Variants in EFCAB5 observed in about 807,000 individuals in gnomAD.
The protein encoded by EFCAB5 is EF-hand calcium binding domain 5.
EFCAB5 carries 131 observed loss-of-function variants against 167.9 expected under a neutral mutation model. That is an observed-to-expected ratio of 0.78 (90% CI 0.68 to 0.90). The LOEUF is 0.90. EFCAB5 is among the 40% of genes least tolerant of loss of function. The pLI, the probability that EFCAB5 is intolerant of heterozygous loss-of-function variation, is 0.00. For synonymous variants in EFCAB5, 574 were observed against 602.8 expected (o/e 0.95, Z 0.70); for missense variants, 1,663 against 1,745.2 (o/e 0.95, Z 0.84).
At position 30,107,979 on chromosome 17, in the gene EFCAB5, T is replaced by G. The variant is rs373782893; in HGVS notation, c.4467T>G (p.Asn1489Lys). Reference protein sequence around the residue: ...ITPPLPSKTDNYMYAKMPGEG... With the variant: ...ITPPLPSKTDKYMYAKMPGEG... ...CTCCGTTGCCCTCCAAGACTGACAA[T>G]TATATGTATGCAAAAATGCCAGGGG... is the stretch of plus-strand genomic sequence containing the variant. The change falls in exon 23 of 23, where the codon AAT (asparagine) becomes AAG (lysine). Residue 1489 changes from asparagine to lysine, a missense_variant. Coordinates refer to ENST00000394835, the MANE Select transcript of EFCAB5 (RefSeq NM_198529.4). 1.9e-6 allele frequency: 3 copies of G among 1,607,668 alleles called. No individual in the cohort carries two copies. In the African/African-American group the frequency reaches 4.0e-5, roughly 22 times the overall value.
chr17:29,934,522 A>G (rs2067229352), intron 1 of EFCAB5, among the ~76,000 whole-genome samples: 1 of 152,222 alleles, frequency 6.6e-6, no homozygotes, highest in Non-Finnish European at 1.5e-5. Context: ...AATGCTATAT[A>G]TATAAAAAGA....
At chr17:30,101,658 C>T (rs2071384562) in intron 22 of EFCAB5, among the ~76,000 whole-genome samples, 1 of 152,118 alleles carries the variant, frequency 6.6e-6, no homozygotes, top group Non-Finnish European at 1.5e-5. Flanking sequence ...AGGAAAGTCT[C>T]CTAGGTGGGA....
At chr17:30,016,131 T>C (rs1274493191) in intron 7 of EFCAB5, among the ~76,000 whole-genome samples, 1 of 152,218 alleles carries the variant, frequency 6.6e-6, no homozygotes, top group Non-Finnish European at 1.5e-5. Context: ...CTTTATCAAA[T>C]ATGTGATTTG....
intron 14 of EFCAB5, chr17:30,059,974 A>G (rs1208257629): frequency 5.0e-6 from 1 of 198,036 alleles, no homozygotes; most frequent in Non-Finnish European, 1.0e-5. Flanking sequence ...AGTACCTGCC[A>G]CTGTGCCCAA....
rs1413952666 is a variant in EFCAB5 at position 30,083,118 on chromosome 17, A to G, written c.3579+75A>G. 11 of 1,486,344 alleles carry G rather than the reference A, an allele frequency of 7.4e-6. No individual in the cohort carries two copies. The Admixed American group carries it at 2.4e-4, about 32-fold the overall frequency. 92.1% of individuals were successfully genotyped at this position (1,486,344 alleles called of 1,614,324 possible). On this transcript the variant is annotated intron_variant, in intron 18 of 22. Transcript: ENST00000394835. Reference sequence around the variant, plus strand: ...AGATGTTATTTCTTGCTAATATTTGAAAACCATATTAATTAGCTATTAGTC... The same window carrying G: ...AGATGTTATTTCTTGCTAATATTTGGAAACCATATTAATTAGCTATTAGTC...
Position 30,080,252 on chromosome 17 carries a change from CT to C in EFCAB5, c.3197+13del. The C allele has an allele frequency of 6.5e-7, 1 of 1,548,766 alleles. No individual in the cohort carries two copies. Among genetic ancestry groups the C allele is most frequent in the Non-Finnish European group, 8.7e-7 (1 of 1,154,388 alleles). ...CATGAAAGGAATCAGGTAAGAACTT[CT>C]TGAAGAGATTGGTTTCACCCTCCTA... On this transcript the variant is annotated intron_variant, in intron 16 of 22. Coordinates refer to ENST00000394835, the MANE Select transcript of EFCAB5 (RefSeq NM_198529.4).
intron 7 of EFCAB5, among the ~76,000 whole-genome samples, chr17:30,028,673 T>C (rs2069396677): frequency 6.6e-6 from 1 of 152,210 alleles, no homozygotes; most frequent in Non-Finnish European, 1.5e-5. Context: ...AGTGCTGCCA[T>C]ACCAAAGTAC....
At chr17:30,079,487 A>T (rs531545596) in intron 15 of EFCAB5, among the ~76,000 whole-genome samples, 69 of 152,370 alleles carry the variant, frequency 4.5e-4, no homozygotes, top group African/African-American at 1.7e-3. Context: ...AATATTGTTA[A>T]TAACATAATA....
At chr17:30,027,496 C>T (rs2069362348) in intron 7 of EFCAB5, among the ~76,000 whole-genome samples, 2 of 151,818 alleles carry the variant, frequency 1.3e-5, no homozygotes, top group African/African-American at 2.4e-5. Flanking sequence ...AAGGCTGTGA[C>T]GTTTCTTTTA....
At chr17:30,049,174 GTC>G (rs761756741) in intron 8 of EFCAB5, among the ~76,000 whole-genome samples, 33 of 152,260 alleles carry the variant, frequency 2.2e-4, no homozygotes, top group South Asian at 8.3e-4. Context: ...GCTAATGTGT[GTC>G]AGAGGATGGG....
intron 22 of EFCAB5, among the ~76,000 whole-genome samples, chr17:30,095,829 T>C (rs956556922): frequency 7.2e-5 from 11 of 152,230 alleles, no homozygotes; most frequent in African/African-American, 2.4e-4. Flanking sequence ...TGGTTTGGAT[T>C]CAATTACAGT....
In EFCAB5 at chr17:30,034,233, A is replaced by G. The variant is rs374509941; in HGVS notation, c.1048A>G (p.Ile350Val). 9.3e-6 allele frequency: 15 copies of G among 1,613,712 alleles called. No homozygotes were observed. The highest frequency in any genetic ancestry group is 1.3e-5 in the Non-Finnish European group (15 of 1,179,828). The change falls in exon 8 of 23, where the codon ATC becomes GTC. Residue 350 changes from isoleucine (I) to valine (V), a missense_variant. Coordinates refer to ENST00000394835, the MANE Select transcript of EFCAB5 (RefSeq NM_198529.4). ...TCCTCTTTTTTTTCCCCTGTAGTAC[A>G]TCTCTTCACATATTAAAGACTTGAA... Reference protein sequence around the residue: ...RLNKMEFTEYISSHIKDLKSE... With the variant: ...RLNKMEFTEYVSSHIKDLKSE...
intron 7 of EFCAB5, among the ~76,000 whole-genome samples, chr17:30,026,604 GA>G (rs1359545283): frequency 6.6e-6 from 1 of 151,980 alleles, no homozygotes; most frequent in Non-Finnish European, 1.5e-5. Flanking sequence ...TTATTTCCAG[GA>G]CTTTTTTAGT....
Position 30,087,082 on chromosome 17 carries a change from G to A in EFCAB5, c.3599G>A (p.Arg1200His), listed in dbSNP as rs758859310. 84 of 1,612,832 alleles carry A rather than the reference G, an allele frequency of 5.2e-5. No homozygotes were observed. Among genetic ancestry groups the A allele is most frequent in the East Asian group, 2.5e-4 (11 of 44,834 alleles). The change falls in exon 19 of 23, where the codon CGC (arginine) becomes CAC (histidine). Residue 1200 changes from arginine (R) to histidine (H), a missense_variant. By Grantham distance (29) the Arg-to-His change is conservative (BLOSUM62 0). Coordinates refer to ENST00000394835, the MANE Select transcript of EFCAB5 (RefSeq NM_198529.4). ...SPAQDSDYVLRNMMVTGQLGL... is the reference protein window; with the variant it reads ...SPAQDSDYVLHNMMVTGQLGL... ...TTCAAGGATTCAGACTATGTTTTACGCAACATGATGGTTACAGGGCAGCTG... is the reference window on the plus strand; with the variant it reads ...TTCAAGGATTCAGACTATGTTTTACACAACATGATGGTTACAGGGCAGCTG...
intron 4 of EFCAB5, among the ~76,000 whole-genome samples, chr17:29,992,547 C>T (rs1223483651): frequency 2.6e-5 from 4 of 152,224 alleles, no homozygotes; most frequent in East Asian, 1.9e-4. Flanking sequence ...AGGGTTTTGC[C>T]GTGTTAGCCA....
chr17:30,036,159 TTA>T (rs2069612111), intron 8 of EFCAB5, among the ~76,000 whole-genome samples: 1 of 142,030 alleles, frequency 7.0e-6, no homozygotes, highest in Non-Finnish European at 1.5e-5. Context: ...TAATATATTA[TTA>T]TATATAATAT....
At chr17:29,964,723 TTC>T (rs1389866655) in intron 3 of EFCAB5, among the ~76,000 whole-genome samples, 2 of 152,200 alleles carry the variant, frequency 1.3e-5, no homozygotes, top group Non-Finnish European at 2.9e-5. Context: ...GGTTTATTCA[TTC>T]TGTTGATTTT....
intron 4 of EFCAB5, among the ~76,000 whole-genome samples, chr17:29,991,550 G>A (rs1396053439): frequency 1.3e-5 from 2 of 152,214 alleles, no homozygotes; most frequent in Admixed American, 6.5e-5. Context: ...GGCACAGATC[G>A]CTCATGCTAT....
chr17:29,963,865 T>G (rs1212696836), intron 3 of EFCAB5, among the ~76,000 whole-genome samples: 1 of 152,162 alleles, frequency 6.6e-6, no homozygotes, highest in East Asian at 1.9e-4. Flanking sequence ...GTGCTGTTCT[T>G]GCAGTAATGA....
Sources: gnomAD v4.1 joint callset for allele counts (sites outside exome capture counted in the v4.1 genomes callset) on GRCh38, gnomAD v4.1.1 for gene constraint, MANE v1.5 for transcripts, NCBI Gene and HGNC (gene_info 2026-07-23, HGNC 2026-07-21) for gene names.